The following TBC1D10C variants were observed in gnomAD, a reference collection of about 807,000 sequenced individuals.
TBC1D10C encodes the protein TBC1 domain family member 10C, also known as carabin.
Under a neutral mutation model 51.0 loss-of-function variants are expected in TBC1D10C, and 49 were observed. The observed-to-expected ratio is 0.96, with a 90% CI of 0.76 to 1.22. TBC1D10C has a LOEUF of 1.22. Among genes scored for constraint, TBC1D10C ranks in the 50% most tolerant of loss-of-function variants. The probability of loss-of-function intolerance (pLI) is 0.00; values close to 1 mark genes in which losing one functional copy is unlikely to be tolerated. For synonymous variants in TBC1D10C, 281 were observed against 266.7 expected (o/e 1.05, Z -0.52); for missense variants, 541 against 617.5 (o/e 0.88, Z 1.31).
chr11:67,408,818 C>A (rs1377327402), intron 7 of TBC1D10C, 161 bp from the exon 8 acceptor site: 5 of 913,640 alleles, frequency 5.5e-6, no homozygotes, highest in Non-Finnish European at 7.7e-6. Flanking sequence ...AGTACAGCGG[C>A]CTGTGTTACC....
At chr11:67,405,226 C>T (rs778759258) in intron 2 of TBC1D10C, 42 bp downstream of exon 2, 1 of 1,538,872 alleles carries the variant, frequency 6.5e-7, no homozygotes. Flanking sequence ...ATGGCTCATT[C>T]CTCTCTGCCT....
intron 3 of TBC1D10C, 35 bp from the exon 4 acceptor site, chr11:67,405,560 T>C: frequency 6.2e-7 from 1 of 1,613,752 alleles, no homozygotes; most frequent in South Asian, 1.1e-5. Context: ...CTCACCACAC[T>C]GAACCCTCAC....
rs2135061020 is a variant in TBC1D10C, at chr11:67,410,075, ATCT to A, written c.*326_*328del. ...GACCCCAGAGGGCACCAGGAATAAA[ATCT>A]TCTTGAACAGATGCCTTGGATGGCG... is the stretch of plus-strand genomic sequence containing the variant. On this transcript the variant is annotated 3_prime_UTR_variant, in exon 9 of 9. Coordinates refer to ENST00000542590, the MANE Select transcript of TBC1D10C (RefSeq NM_001369496.1). 1 of 287,144 alleles carries A rather than the reference ATCT, an allele frequency of 3.5e-6. No homozygotes were observed. Among genetic ancestry groups the A allele is most frequent in the East Asian group, 8.6e-5 (1 of 11,636 alleles). The allele number at this position is 287,144 out of a possible 1,614,324, so 17.8% of individuals were successfully genotyped here. A position where few individuals can be genotyped will look rare whatever the true frequency, so the allele number is the denominator to read the frequency against.
At chr11:67,406,091 C>T in intron 5 of TBC1D10C, 74 bp downstream of exon 5, 1 of 1,247,694 alleles carries the variant, frequency 8.0e-7, no homozygotes, top group South Asian at 1.6e-5. Flanking sequence ...GGAACTGTGG[C>T]CTCAGAAACC....
At chr11:67,408,842 C>T in intron 7 of TBC1D10C, 137 bp from the exon 8 acceptor site, 4 of 1,189,886 alleles carry the variant, frequency 3.4e-6, no homozygotes, top group Non-Finnish European at 4.5e-6. Context: ...AATGCAACTC[C>T]ACCCTCTGTC....
chr11:67,409,074 C>G lies in TBC1D10C; in HGVS notation c.934C>G (p.Leu312Val), dbSNP rs758395996. The G allele has an allele frequency of 4.4e-5, 70 of 1,604,124 alleles. No homozygotes were observed. Among genetic ancestry groups the G allele is most frequent in the Non-Finnish European group, 5.9e-5 (70 of 1,176,878 alleles). Residue 312 changes from leucine to valine, a missense_variant, in exon 8 of 9, where the codon CTG becomes GTG. By Grantham distance (32) the Leu-to-Val change is conservative. Transcript: ENST00000542590. ...GGCCTGCCCTGGCCTCCTGGAGACA[C>G]TGGGAGCCCTTCGAGCCATCCCCCC... ...RGACPGLLETLGALRAIPPAQ... is the reference protein window; with the variant it reads ...RGACPGLLETVGALRAIPPAQ...
Position 67,406,813 on chromosome 11 carries a change from G to A in TBC1D10C, c.649-14G>A, listed in dbSNP as rs371965758. On this transcript the variant is annotated splice_polypyrimidine_tract_variant and intron_variant, in intron 6 of 8. Transcript: ENST00000542590. ...GGGGTGGCGGTGCTGGCCTGCTGAT[G>A]GACGTGGCCACAGGAGGCTGTGCGG... is the stretch of plus-strand genomic sequence containing the variant. 2 of 1,608,674 alleles carry A rather than the reference G, an allele frequency of 1.2e-6. No individual in the cohort carries two copies. The highest frequency in any genetic ancestry group is 2.7e-5 in the African/African-American group (2 of 74,880).
rs1863169015 is a variant in TBC1D10C at position 67,406,547 on chromosome 11, C to T, written c.583-80C>T. ...TGGTGCCCAGGCCCTCCCCTTCACT[C>T]CTTTCCCCTGTCCTGCCTTCTCCTC... On this transcript the variant is annotated intron_variant, in intron 5 of 8. Coordinates refer to ENST00000542590, the MANE Select transcript of TBC1D10C (RefSeq NM_001369496.1). 3 of 1,320,330 alleles carry T rather than the reference C, an allele frequency of 2.3e-6. No homozygotes were observed. In the African/African-American group the frequency reaches 4.4e-5, roughly 19 times the overall value. The allele number at this position is 1,320,330 out of a possible 1,614,324, so 81.8% of individuals were successfully genotyped here. A position where few individuals can be genotyped will look rare whatever the true frequency, so the allele number is the denominator to read the frequency against.
At position 67,406,726 on chromosome 11, in the gene TBC1D10C, G is replaced by A. The variant is rs763152639; in HGVS notation, c.648+34G>A. The A allele has an allele frequency of 1.0e-5, 16 of 1,580,424 alleles. No individual in the cohort carries two copies. In the African/African-American group the frequency reaches 2.0e-4, roughly 20 times the overall value. On this transcript the variant is annotated intron_variant, in intron 6 of 8. Coordinates refer to ENST00000542590, the MANE Select transcript of TBC1D10C (RefSeq NM_001369496.1). ...CTGACATGGGGGCTGGAGGAAGGAGGGGCAGGGGCCCGGTGAGTGGGTGGG... is the reference window on the plus strand; with the variant it reads ...CTGACATGGGGGCTGGAGGAAGGAGAGGCAGGGGCCCGGTGAGTGGGTGGG...
At chr11:67,404,456 G>A in intron 1 of TBC1D10C, 102 bp downstream of exon 1, 1 of 1,295,248 alleles carries the variant, frequency 7.7e-7, no homozygotes, top group Non-Finnish European at 1.0e-6. Flanking sequence ...GGTAGGGATT[G>A]GGAGGGGGAC....
chr11:67,409,985 C>G lies in TBC1D10C; in HGVS notation c.*231C>G. The G allele has an allele frequency of 1.9e-6, 1 of 513,030 alleles. No homozygotes were observed. The highest frequency in any genetic ancestry group is 2.7e-5 in the South Asian group (1 of 37,148). 31.8% of individuals were successfully genotyped at this position (513,030 alleles called of 1,614,324 possible). ...AGGACCCATGGAACCGTCCTGGTGC[C>G]CAGGCCCTCACAAGTACCAAAGCCA... On this transcript the variant is annotated 3_prime_UTR_variant, in exon 9 of 9. Coordinates refer to ENST00000542590, the MANE Select transcript of TBC1D10C (RefSeq NM_001369496.1).
Position 67,409,434 on chromosome 11 carries a change from G to A in TBC1D10C, c.1021G>A (p.Asp341Asn). 1.9e-6 allele frequency: 3 copies of A among 1,549,096 alleles called. No homozygotes were observed. The highest frequency in any genetic ancestry group is 2.4e-5 in the East Asian group (1 of 40,906). Residue 341 changes from aspartate to asparagine, a missense_variant, in exon 9 of 9, where the codon GAC becomes AAC. Asp to Asn is a conservative substitution (Grantham distance 23). Coordinates refer to ENST00000542590, the MANE Select transcript of TBC1D10C (RefSeq NM_001369496.1). ...GCACAGCGTGGTGCTGTCAGAGCGG[G>A]ACCTGCAGCGGGAGATCAAGGCCCA... Reference protein sequence around the residue: ...QVHSVVLSERDLQREIKAQLA... With the variant: ...QVHSVVLSERNLQREIKAQLA...
chr11:67,409,236 GT>G, intron 8 of TBC1D10C, 103 bp downstream of exon 8: 1 of 1,437,144 alleles, frequency 7.0e-7, no homozygotes, highest in South Asian at 1.4e-5. Flanking sequence ...CTTAGTTCCT[GT>G]CCCCTGAGCT....
chr11:67,406,388 C>T (rs1863163788), intron 5 of TBC1D10C: 4 of 566,472 alleles, frequency 7.1e-6, no homozygotes, highest in Admixed American at 3.2e-5. Flanking sequence ...ACCTTCAAAT[C>T]TAACACCATG....
chr11:67,404,292 G>A lies in TBC1D10C; in HGVS notation c.90G>A (p.Gly30=). Residue 30 remains glycine, a synonymous_variant, in exon 1 of 9, where the codon GGG becomes GGA. Coordinates refer to ENST00000542590, the MANE Select transcript of TBC1D10C (RefSeq NM_001369496.1). The part of the protein sequence containing the change: ...SSLGSDSELS[G]PGPYRQADRY... ...TGGGGTCCGACTCAGAGCTCAGCGG[G>A]CCTGGCCCATATCGCCAGGCCGACC... 1 of 1,602,364 alleles carries A rather than the reference G, an allele frequency of 6.2e-7. No individual in the cohort carries two copies. The highest frequency in any genetic ancestry group is 1.1e-5 in the South Asian group (1 of 90,770).
At chr11:67,409,278 T>C in intron 8 of TBC1D10C, 129 bp from the exon 9 acceptor site, 1 of 1,373,504 alleles carries the variant, frequency 7.3e-7, no homozygotes, top group South Asian at 1.5e-5. Flanking sequence ...AGGCCTCCAG[T>C]GGCTTTCTGT....
Position 67,409,512 on chromosome 11 carries a change from C to T in TBC1D10C, c.1099C>T (p.Arg367Cys), listed in dbSNP as rs912942409. The part of the protein sequence containing the change: ...APGPPPRPQV[R>C]LAGAQAIFEA... The stretch of plus-strand genomic sequence containing the variant: ...GGGACCCCCGCCCCGGCCACAGGTC[C>T]GCCTCGCCGGGGCCCAAGCCATCTT... The change falls in exon 9 of 9, where the codon CGC (arginine) becomes TGC (cysteine). Residue 367 changes from arginine to cysteine, a missense_variant. Transcript: ENST00000542590. 3.2e-5 allele frequency: 50 copies of T among 1,548,308 alleles called. No individual in the cohort carries two copies. The highest frequency in any genetic ancestry group is 1.7e-4 in the Middle Eastern group (1 of 5,878).
Position 67,405,883 on chromosome 11 carries a change from T to C in TBC1D10C, c.468-20T>C. The C allele has an allele frequency of 6.3e-7, 1 of 1,575,390 alleles. No individual in the cohort carries two copies. Among genetic ancestry groups the C allele is most frequent in the Non-Finnish European group, 8.6e-7 (1 of 1,161,178 alleles). Reference sequence around the variant, plus strand: ...GGGGGTGCCTGCAGGACTGGCCCCTTATGGGGTCTTCCGGCACAGGCAGCA... The same window carrying C: ...GGGGGTGCCTGCAGGACTGGCCCCTCATGGGGTCTTCCGGCACAGGCAGCA... On this transcript the variant is annotated intron_variant, in intron 4 of 8. Coordinates refer to ENST00000542590, the MANE Select transcript of TBC1D10C (RefSeq NM_001369496.1).
In TBC1D10C at chr11:67,409,694, C is replaced by T. The variant is rs753398265; in HGVS notation, c.1281C>T (p.Pro427=). 10 of 1,596,242 alleles carry T rather than the reference C, an allele frequency of 6.3e-6. No individual in the cohort carries two copies. The highest frequency in any genetic ancestry group is 5.2e-5 in the Admixed American group (3 of 57,824). ...TCCTGACTCGGGCCCGGGGCCCCCC[C>T]ATCGAGGGGCCCCCCAGGCCCCAAC... The part of the protein sequence containing the change: ...HGLLTRARGP[P]IEGPPRPQRG... Residue 427 remains proline (P), a synonymous_variant, in exon 9 of 9, where the codon CCC becomes CCT. Coordinates refer to ENST00000542590, the MANE Select transcript of TBC1D10C (RefSeq NM_001369496.1).
Sources: gnomAD v4.1 joint callset for allele counts on GRCh38, gnomAD v4.1.1 for gene constraint, MANE v1.5 for transcripts, NCBI Gene and HGNC (gene_info 2026-07-23, HGNC 2026-07-21) for gene names.